Variants in DAB1 observed in about 807,000 individuals in gnomAD.
DAB1 encodes the protein disabled homolog 1.
Under a neutral mutation model 64.6 loss-of-function variants are expected in DAB1, and 15 were observed. That is an observed-to-expected ratio of 0.23 (90% CI 0.16 to 0.36). The LOEUF (loss-of-function observed/expected upper bound fraction) is 0.36, where lower values mean the gene tolerates loss of function less well. Among genes scored for constraint, DAB1 ranks in the 10% least tolerant of loss-of-function variants. The probability of loss-of-function intolerance (pLI) is 1.00; values close to 1 mark genes in which losing one functional copy is unlikely to be tolerated. For synonymous variants in DAB1, 235 were observed against 251.9 expected (o/e 0.93, Z 0.64); for missense variants, 596 against 706.7 (o/e 0.84, Z 1.78).
At chr1:57,230,691 A>ATG (rs398069475) in intron 2 of DAB1, among the ~76,000 whole-genome samples, 3 of 151,936 alleles carry the variant, frequency 2.0e-5, no homozygotes, top group Admixed American at 1.3e-4. Flanking sequence ...ACATATATAT[A>ATG]ATGTGTAATG....
chr1:57,282,404 G>T (rs1365725562), intron 2 of DAB1, among the ~76,000 whole-genome samples: 2 of 152,046 alleles, frequency 1.3e-5, no homozygotes, highest in Non-Finnish European at 2.9e-5. Flanking sequence ...ATTTCAAAGG[G>T]CTTGATGTAT....
intron 5 of DAB1, among the ~76,000 whole-genome samples, chr1:58,130,971 G>A (rs9765255): frequency 0.011 from 1,527 of 142,426 alleles, 5 homozygotes; most frequent in South Asian, 0.06. Flanking sequence ...TCTTTGTGGC[G>A]TTCTCTGTAT....
chr1:58,417,502 T>C (rs1422727113), intron 3 of DAB1, among the ~76,000 whole-genome samples: 9 of 152,130 alleles, frequency 5.9e-5, no homozygotes, highest in African/African-American at 1.9e-4. Context: ...GGCATGTTGA[T>C]TGACAGACCC....
At chr1:57,793,103 G>A (rs1650680419) in intron 6 of DAB1, among the ~76,000 whole-genome samples, 1 of 152,182 alleles carries the variant, frequency 6.6e-6, no homozygotes, top group Non-Finnish European at 1.5e-5. Flanking sequence ...AAATTTGCTG[G>A]TGAATTCATT....
intron 2 of DAB1, among the ~76,000 whole-genome samples, chr1:57,178,891 C>A (rs543954522): frequency 1.4e-4 from 22 of 152,240 alleles, no homozygotes; most frequent in African/African-American, 5.3e-4. Context: ...TTCCCACCCC[C>A]ATCGCCACCT....
intron 7 of DAB1, among the ~76,000 whole-genome samples, chr1:57,596,297 C>T (rs1645508665): frequency 7.0e-6 from 1 of 142,034 alleles, no homozygotes; most frequent in Non-Finnish European, 1.6e-5. Flanking sequence ...TGCTACTCAC[C>T]TTCAGGTGTT....
At chr1:57,211,715 A>G (rs1358839021) in intron 2 of DAB1, among the ~76,000 whole-genome samples, 1 of 152,218 alleles carries the variant, frequency 6.6e-6, no homozygotes, top group African/African-American at 2.4e-5. Flanking sequence ...CAGGTACCAC[A>G]TCTGAGGATT....
chr1:58,373,412 A>G (rs1644289141), intron 3 of DAB1, among the ~76,000 whole-genome samples: 2 of 147,522 alleles, frequency 1.4e-5, no homozygotes, highest in African/African-American at 4.9e-5. Context: ...TATGAGTGAG[A>G]ATATGCGGTG....
At chr1:57,891,411 G>C (rs1327083041) in intron 5 of DAB1, among the ~76,000 whole-genome samples, 1 of 152,220 alleles carries the variant, frequency 6.6e-6, no homozygotes, top group Non-Finnish European at 1.5e-5. Context: ...CTGTTGGTGG[G>C]AGTGTAAATT....
intron 4 of DAB1, among the ~76,000 whole-genome samples, chr1:58,293,308 GCT>G (rs1294412248): frequency 1.3e-5 from 2 of 152,146 alleles, no homozygotes; most frequent in Non-Finnish European, 2.9e-5. Flanking sequence ...TTTGACATCA[GCT>G]CTCTCTCACT....
At chr1:58,215,305 G>A (rs1395511676) in intron 4 of DAB1, among the ~76,000 whole-genome samples, 1 of 151,760 alleles carries the variant, frequency 6.6e-6, no homozygotes. Context: ...CAGGTCTCAA[G>A]TCAAATGACC....
intron 1 of DAB1, among the ~76,000 whole-genome samples, chr1:57,387,788 C>G (rs1289072261): frequency 2.1e-5 from 3 of 144,388 alleles, no homozygotes; most frequent in Non-Finnish European, 4.5e-5. Flanking sequence ...TGCCACTGCA[C>G]TCCAGCCTGG....
chr1:57,566,651 A>T (rs112259235), intron 7 of DAB1, among the ~76,000 whole-genome samples: 133,457 of 152,156 alleles, frequency 0.88, 60,161 homozygotes, highest in East Asian at 1. Context: ...TAAACACCTA[A>T]ACACAAATAA....
intron 4 of DAB1, among the ~76,000 whole-genome samples, chr1:58,247,110 C>G (rs1660574644): frequency 6.6e-6 from 1 of 152,096 alleles, no homozygotes; most frequent in African/African-American, 2.4e-5. Flanking sequence ...AGGGCCCATA[C>G]TGGAGGCCAG....
At chr1:58,416,049 C>T (rs564704947) in intron 3 of DAB1, among the ~76,000 whole-genome samples, 83 of 152,182 alleles carry the variant, frequency 5.5e-4, no homozygotes, top group African/African-American at 1.9e-3. Flanking sequence ...TGCCCATATC[C>T]CCTCAGAGAA....
At chr1:57,772,873 G>A (rs12143653) in intron 6 of DAB1, among the ~76,000 whole-genome samples, 28,900 of 151,978 alleles carry the variant, frequency 0.19, 3,200 homozygotes, top group Admixed American at 0.29. Flanking sequence ...ATCATGTTAA[G>A]TTGAGGTCAA....
intron 2 of DAB1, among the ~76,000 whole-genome samples, chr1:57,275,431 G>T (rs552021739): frequency 2.0e-5 from 3 of 152,282 alleles, no homozygotes; most frequent in African/African-American, 7.2e-5. Flanking sequence ...GAACTAAATA[G>T]TTGCACTAAT....
intron 5 of DAB1, among the ~76,000 whole-genome samples, chr1:57,972,771 T>C (rs1287620976): frequency 6.6e-6 from 1 of 152,234 alleles, no homozygotes; most frequent in Non-Finnish European, 1.5e-5. Context: ...CATCTCTTGA[T>C]ATAAGGACAT....
chr1:57,140,456 C>T (rs1327361443), intron 3 of DAB1, among the ~76,000 whole-genome samples: 7 of 152,124 alleles, frequency 4.6e-5, no homozygotes, highest in African/African-American at 1.7e-4. Flanking sequence ...GGTAGGAATC[C>T]TTCTACTACA....
Sources: allele counts gnomAD v4.1 joint callset (sites outside exome capture counted in the v4.1 genomes callset), GRCh38; gene constraint gnomAD v4.1.1; transcripts MANE v1.5; gene names NCBI Gene and HGNC (gene_info 2026-07-23, HGNC 2026-07-21).